PIK3C2A: variants seen among roughly 807,000 people sequenced by gnomAD.
PIK3C2A encodes phosphatidylinositol-4-phosphate 3-kinase catalytic subunit type 2 alpha.
In PIK3C2A, 97 loss-of-function variants were observed where a neutral mutation model predicts 204.5. The ratio of observed to expected loss-of-function variants is 0.47; its 90% CI spans 0.40 to 0.56. PIK3C2A has a LOEUF of 0.56. Ranked by LOEUF, PIK3C2A falls within the 20% of genes least tolerant of loss-of-function variation. PIK3C2A has a pLI of 0.00. For missense variants in PIK3C2A, 1,735 were observed against 1,969.2 expected (o/e 0.88, Z 2.25); for synonymous variants, 653 against 664.4 (o/e 0.98, Z 0.26).
chr11:17,101,201 C>A (rs1220208835), intron 25 of PIK3C2A, 77 bp downstream of exon 25: 1 of 870,084 alleles, frequency 1.1e-6, no homozygotes, highest in African/African-American at 1.7e-5. Context: ...TCCAAAATCA[C>A]AAAATAATCT....
intron 1 of PIK3C2A, chr11:17,193,916 A>AGAAAAG (rs1565305968): frequency 1.1e-5 from 3 of 273,672 alleles, no homozygotes; most frequent in Admixed American, 1.1e-4. Flanking sequence ...AGAAAAGAAA[A>AGAAAAG]GAAACCCCGA....
At chr11:17,171,618 T>C (rs1590991640) in intron 1 of PIK3C2A, among the ~76,000 whole-genome samples, 1 of 152,230 alleles carries the variant, frequency 6.6e-6, no homozygotes, top group Non-Finnish European at 1.5e-5. Context: ...TTCCCTTCTG[T>C]GGTAGACTAC....
chr11:17,100,236 C>CT (rs1848578953), intron 25 of PIK3C2A, among the ~76,000 whole-genome samples: 3 of 66,852 alleles, frequency 4.5e-5, no homozygotes, highest in Non-Finnish European at 8.2e-5. Context: ...TGTCTAGGCT[C>CT]TTTTTTTGGG....
chr11:17,138,610 C>T (rs1422803627), intron 8 of PIK3C2A, among the ~76,000 whole-genome samples: 2 of 152,142 alleles, frequency 1.3e-5, no homozygotes, highest in South Asian at 2.1e-4. Flanking sequence ...CACCTCCTAT[C>T]GCTGGACCCC....
At chr11:17,116,629 G>T (rs949947978) in intron 19 of PIK3C2A, among the ~76,000 whole-genome samples, 1 of 150,080 alleles carries the variant, frequency 6.7e-6, no homozygotes, top group African/African-American at 2.5e-5. Flanking sequence ...TTGCTCTGTC[G>T]CCCAGGCTGG....
At chr11:17,177,816 G>A (rs1488832709) in intron 1 of PIK3C2A, among the ~76,000 whole-genome samples, 1 of 152,192 alleles carries the variant, frequency 6.6e-6, no homozygotes, top group Non-Finnish European at 1.5e-5. Context: ...AATGAGGCCA[G>A]TAGCGATGGC....
In PIK3C2A at chr11:17,155,823, C is replaced by T. The variant is rs11024172; in HGVS notation, c.1066-194G>A. Among the ~76,000 whole-genome samples, 902 of 152,146 alleles carry T rather than the reference C, an allele frequency of 5.9e-3. 17 individuals carry two copies. The highest frequency in any genetic ancestry group is 0.021 in the African/African-American group (858 of 41,512). ...ATGTCAACTAAGCCTTATTTTCGTT[C>T]CTTGGTTTTACTTGCTCAATAGTAG... On this transcript the variant is annotated intron_variant, in intron 2 of 32. Transcript: ENST00000691414.
chr11:17,168,028 C>A (rs4757498), intron 2 of PIK3C2A, among the ~76,000 whole-genome samples: 139,117 of 150,310 alleles, frequency 0.93, 64,795 homozygotes, highest in Middle Eastern at 0.98. Flanking sequence ...TAAAAAAAAA[C>A]AGGAATAAGG....
intron 1 of PIK3C2A, 78 bp from the exon 2 acceptor site, chr11:17,169,884 A>T: frequency 1.6e-6 from 1 of 607,710 alleles, no homozygotes; most frequent in Non-Finnish European, 2.8e-6. Flanking sequence ...ACCCCATATG[A>T]CTTTGGACTT....
chr11:17,166,517 T>C (rs1457303446), intron 2 of PIK3C2A, among the ~76,000 whole-genome samples: 2 of 152,204 alleles, frequency 1.3e-5, no homozygotes, highest in Admixed American at 6.5e-5. Context: ...AATGGGAAGT[T>C]CAGAATTTAA....
intron 2 of PIK3C2A, among the ~76,000 whole-genome samples, chr11:17,157,289 GTC>G (rs1850627667): frequency 6.6e-6 from 1 of 151,824 alleles, no homozygotes; most frequent in Non-Finnish European, 1.5e-5. Context: ...GTGAAACCTT[GTC>G]TCTACTAAAA....
rs777272523 is a variant in PIK3C2A, at chr11:17,155,589, G to A, written c.1106C>T (p.Ser369Phe). The change falls in exon 3 of 33, where the codon TCT (serine) becomes TTT (phenylalanine). Residue 369 changes from serine (S) to phenylalanine (F), a missense_variant. Ser to Phe is a radical substitution (Grantham distance 155, BLOSUM62 -2). This residue lies in a region of PIK3C2A where 536 missense variants were observed against 546.7 expected (regional missense o/e 0.98). Coordinates refer to ENST00000691414, the MANE Select transcript of PIK3C2A (RefSeq NM_002645.4). ...NGTSSLPTGS[S>F]LLQEVEVQNE... ...CTGTACTTCAACTTCTTGAAGAAGA[G>A]AACTTCCAGTTGGCAAACTACTGGT... 1.9e-6 allele frequency: 3 copies of A among 1,609,108 alleles called. No individual in the cohort carries two copies. The highest frequency in any genetic ancestry group is 1.7e-5 in the Admixed American group (1 of 59,976).
chr11:17,164,964 T>A (rs1349558797), intron 2 of PIK3C2A, among the ~76,000 whole-genome samples: 1 of 152,034 alleles, frequency 6.6e-6, no homozygotes, highest in East Asian at 1.9e-4. Context: ...AAAAAATAAA[T>A]GTAGGGAGAC....
Position 17,146,182 on chromosome 11 carries a change from C to CA in PIK3C2A, c.1561-241dup, listed in dbSNP as rs1850238599. ...ACATAAATGCTTTCAAGCCTACTTTCAGATATATAAATAGCTTTTGGAACA... is the reference window on the plus strand; with the variant it reads ...ACATAAATGCTTTCAAGCCTACTTTCAAGATATATAAATAGCTTTTGGAACA... On this transcript the variant is annotated intron_variant, in intron 6 of 32. Coordinates refer to ENST00000691414, the MANE Select transcript of PIK3C2A (RefSeq NM_002645.4). Among the ~76,000 whole-genome samples, 4 of 152,216 alleles carry CA rather than the reference C, an allele frequency of 2.6e-5. No individual in the cohort carries two copies. In the South Asian group the frequency reaches 8.3e-4, roughly 32 times the overall value.
intron 8 of PIK3C2A, among the ~76,000 whole-genome samples, chr11:17,137,432 T>TTTTTTTTTTTA: frequency 4.7e-5 from 7 of 150,428 alleles, no homozygotes; most frequent in Admixed American, 6.7e-5. Flanking sequence ...CCTTTTTTTT[T>TTTTTTTTTTTA]GAGACGGACT....
Position 17,129,399 on chromosome 11 carries a change from A to C in PIK3C2A, c.2300T>G (p.Ile767Ser). The change falls in exon 13 of 33, where the codon ATT becomes AGT. Residue 767 changes from isoleucine (I) to serine (S), a missense_variant. This residue lies in a region of PIK3C2A where 567 missense variants were observed against 576.0 expected (regional missense o/e 0.98). Transcript: ENST00000691414. ...ESVLHLTLFG[I>S]LNQSSGSSPD... ...GGAACTTCCACTGCTCTGATTTAAA[A>C]TTCCAAAAAGAGTAAGGTGAAGAAC... 3.1e-6 allele frequency: 5 copies of C among 1,612,258 alleles called. No individual in the cohort carries two copies. Among genetic ancestry groups the C allele is most frequent in the Non-Finnish European group, 4.2e-6 (5 of 1,178,282 alleles).
chr11:17,120,207 A>C (rs963336796), intron 15 of PIK3C2A, among the ~76,000 whole-genome samples: 1 of 152,180 alleles, frequency 6.6e-6, no homozygotes, highest in Non-Finnish European at 1.5e-5. Flanking sequence ...AGTTAGGAAA[A>C]TGAAGGATAA....
At chr11:17,176,809 C>A (rs1012201602) in intron 1 of PIK3C2A, among the ~76,000 whole-genome samples, 1 of 151,974 alleles carries the variant, frequency 6.6e-6, no homozygotes, top group Non-Finnish European at 1.5e-5. Flanking sequence ...AAAAACCAAA[C>A]AAAAATAAAA....
At chr11:17,103,631 G>A (rs775723750) in intron 23 of PIK3C2A, among the ~76,000 whole-genome samples, 1 of 152,018 alleles carries the variant, frequency 6.6e-6, no homozygotes, top group African/African-American at 2.4e-5. Flanking sequence ...GTGTGTGTGT[G>A]TATACATTAA....
Sources: allele counts gnomAD v4.1 joint callset (sites outside exome capture counted in the v4.1 genomes callset), GRCh38; gene constraint gnomAD v4.1.1; regional missense constraint gnomAD v4.1.1; transcripts MANE v1.5; gene names NCBI Gene and HGNC (gene_info 2026-07-23, HGNC 2026-07-21).